The following TRPM3 variants were observed in gnomAD, a reference collection of about 807,000 sequenced individuals.
The protein encoded by TRPM3 is long transient receptor potential channel 3.
A neutral mutation model predicts 181.2 loss-of-function variants in TRPM3; 77 were observed. The observed-to-expected ratio is 0.42, with a 90% CI of 0.35 to 0.51. TRPM3 has a LOEUF of 0.51. Among genes scored for constraint, TRPM3 ranks in the 20% least tolerant of loss-of-function variants. The pLI, the probability that TRPM3 is intolerant of heterozygous loss-of-function variation, is 0.01. For missense variants in TRPM3, 1,759 were observed against 2,196.7 expected (o/e 0.80, Z 3.98); for synonymous variants, 745 against 796.4 (o/e 0.94, Z 1.09).
intron 1 of TRPM3, among the ~76,000 whole-genome samples, chr9:71,411,080 C>G: frequency 6.6e-6 from 1 of 152,138 alleles, no homozygotes; most frequent in Non-Finnish European, 1.5e-5. Flanking sequence ...TCTCATTAAA[C>G]TAGGTATTGA....
chr9:70,742,314 A>AATAGATATATAAC (rs2074302059), intron 8 of TRPM3, among the ~76,000 whole-genome samples: 1 of 152,142 alleles, frequency 6.6e-6, no homozygotes, highest in Non-Finnish European at 1.5e-5. Flanking sequence ...TTTTTTTAAA[A>AATAGATATATAAC]ATAGATATAT....
At chr9:71,124,913 G>A (rs114503527), upstream of TRPM3, among the ~76,000 whole-genome samples, 297 of 152,242 alleles carry the variant, frequency 2.0e-3, 2 homozygotes, top group African/African-American at 6.9e-3. Context: ...TAAAATAACA[G>A]TGTTGCAATG....
chr9:70,695,928 C>T (rs1397955877), intron 8 of TRPM3, among the ~76,000 whole-genome samples: 2 of 152,206 alleles, frequency 1.3e-5, no homozygotes, highest in Non-Finnish European at 2.9e-5. Flanking sequence ...TGCTTATCTG[C>T]ATCCTTTAAT....
intron 1 of TRPM3, among the ~76,000 whole-genome samples, chr9:71,051,568 A>G (rs867400457): frequency 1.3e-5 from 2 of 152,268 alleles, no homozygotes; most frequent in South Asian, 2.1e-4. Context: ...TAGGCTGTGC[A>G]AAATATGGAC....
chr9:70,597,012 G>A (rs188019268), intron 21 of TRPM3, among the ~76,000 whole-genome samples: 1 of 152,080 alleles, frequency 6.6e-6, no homozygotes, highest in East Asian at 1.9e-4. Flanking sequence ...TTGGCTCACC[G>A]CAACCTTGCC....
intron 1 of TRPM3, among the ~76,000 whole-genome samples, chr9:71,203,939 C>G (rs1366630247): frequency 6.6e-6 from 1 of 152,010 alleles, no homozygotes; most frequent in South Asian, 2.1e-4. Flanking sequence ...TTTGACAAAC[C>G]TGACAAAAAG....
intron 1 of TRPM3, among the ~76,000 whole-genome samples, chr9:71,032,014 A>ATT (rs1302127926): frequency 7.5e-5 from 4 of 53,264 alleles, no homozygotes; most frequent in African/African-American, 5.8e-5. Context: ...TATAATATAT[A>ATT]ATATATATAT....
intron 1 of TRPM3, among the ~76,000 whole-genome samples, chr9:71,129,696 T>G (rs533371609): frequency 4.5e-4 from 68 of 152,326 alleles, no homozygotes; most frequent in African/African-American, 1.5e-3. Flanking sequence ...AATATTTATA[T>G]AGGGTTCCTG....
At chr9:70,613,766 C>T (rs570535582) in intron 18 of TRPM3, among the ~76,000 whole-genome samples, 44 of 152,304 alleles carry the variant, frequency 2.9e-4, no homozygotes, top group Middle Eastern at 3.4e-3. Context: ...GGTCTATTCT[C>T]TTGTTACTAA....
chr9:70,982,846 G>A (rs2097376678), intron 1 of TRPM3, among the ~76,000 whole-genome samples: 1 of 152,028 alleles, frequency 6.6e-6, no homozygotes, highest in African/African-American at 2.4e-5. Flanking sequence ...GATTACAGGT[G>A]CCCGCCACCA....
chr9:70,646,197 C>A (rs2058817014), intron 9 of TRPM3, among the ~76,000 whole-genome samples: 1 of 152,242 alleles, frequency 6.6e-6, no homozygotes, highest in South Asian at 2.1e-4. Flanking sequence ...CCAGAAATAC[C>A]ATTTGACCCA....
chr9:70,598,757 T>C (rs2059408623), intron 20 of TRPM3, 87 bp from the exon 21 acceptor site: 2 of 1,489,736 alleles, frequency 1.3e-6, no homozygotes, highest in Non-Finnish European at 1.8e-6. Context: ...TGTTGGCTGA[T>C]GTTAGTAGCT....
Position 70,928,304 on chromosome 9 carries a change from G to T in TRPM3, c.178-63793C>A, listed in dbSNP as rs576761501. 3.9e-5 allele frequency among the ~76,000 whole-genome samples: 6 copies of T among 152,278 alleles called. No individual in the cohort carries two copies. The East Asian group carries it at 1.2e-3, about 29-fold the overall frequency. On this transcript the variant is annotated intron_variant, in intron 1 of 25. Coordinates refer to ENST00000677713, the MANE Select transcript of TRPM3 (RefSeq NM_001366145.2). ...CATTCTATTACAGGCATTTAGACTTGTCTTAACAGACCATGTCCCGTAATT... is the reference window on the plus strand; with the variant it reads ...CATTCTATTACAGGCATTTAGACTTTTCTTAACAGACCATGTCCCGTAATT...
At chr9:71,166,521 G>C (rs148670349) in intron 1 of TRPM3, among the ~76,000 whole-genome samples, 50 of 152,172 alleles carry the variant, frequency 3.3e-4, no homozygotes, top group African/African-American at 1.2e-3. Flanking sequence ...GAGAAAAGAA[G>C]AGAACTTCAA....
intron 7 of TRPM3, among the ~76,000 whole-genome samples, chr9:70,777,110 G>A (rs1332181834): frequency 6.6e-6 from 1 of 152,158 alleles, no homozygotes; most frequent in African/African-American, 2.4e-5. Flanking sequence ...TCAATAGAGA[G>A]CTTTGAAATC....
chr9:71,152,929 G>A (rs377493519), intron 1 of TRPM3, among the ~76,000 whole-genome samples: 7 of 152,140 alleles, frequency 4.6e-5, no homozygotes, highest in African/African-American at 1.7e-4. Flanking sequence ...AAGTCTAGTA[G>A]GAAAGACTGC....
chr9:71,015,717 T>G lies in TRPM3; in HGVS notation c.177+105461A>C, dbSNP rs1334281068. Among the ~76,000 whole-genome samples, 6 of 152,172 alleles carry G rather than the reference T, an allele frequency of 3.9e-5. No homozygotes were observed. In the East Asian group the frequency reaches 1.2e-3, roughly 29 times the overall value. ...AATTGATAATCCAAAACGTTCTTTT[T>G]TATAATAGGGTAAATGAAAATAAAC... On this transcript the variant is annotated intron_variant, in intron 1 of 25. Coordinates refer to ENST00000677713, the MANE Select transcript of TRPM3 (RefSeq NM_001366145.2).
At chr9:70,669,490 CACTT>C (rs921458664) in intron 9 of TRPM3, among the ~76,000 whole-genome samples, 3 of 152,130 alleles carry the variant, frequency 2.0e-5, no homozygotes, top group African/African-American at 7.2e-5. Context: ...CCCATTCTCT[CACTT>C]ACTACCTATA....
intron 1 of TRPM3, among the ~76,000 whole-genome samples, chr9:70,926,648 C>T (rs2096724578): frequency 6.6e-6 from 1 of 152,136 alleles, no homozygotes; most frequent in Non-Finnish European, 1.5e-5. Context: ...TAGAAGTTAA[C>T]AAACAGAACA....
Sources: allele counts gnomAD v4.1 joint callset (sites outside exome capture counted in the v4.1 genomes callset), GRCh38; gene constraint gnomAD v4.1.1; transcripts MANE v1.5; gene names NCBI Gene and HGNC (gene_info 2026-07-23, HGNC 2026-07-21).